CWC27: variants seen among roughly 807,000 people sequenced by gnomAD.
CWC27 encodes CWC27 spliceosome associated cyclophilin.
In CWC27, 47 loss-of-function variants were observed where a neutral mutation model predicts 63.6. The ratio of observed to expected loss-of-function variants is 0.74; its 90% CI spans 0.58 to 0.94. CWC27 has a LOEUF of 0.94. Ranked by LOEUF, CWC27 falls within the 40% of genes least tolerant of loss-of-function variation. CWC27 has a pLI of 0.00. For missense variants in CWC27, 495 were observed against 554.3 expected, an observed-to-expected ratio of 0.89 and a Z score of 1.07; for synonymous variants, 175 against 179.8, an observed-to-expected ratio of 0.97 and a Z score of 0.22.
chr5:64,868,512 T>C (rs1303816162), intron 10 of CWC27, among the ~76,000 whole-genome samples: 1 of 151,978 alleles, frequency 6.6e-6, no homozygotes, highest in Non-Finnish European at 1.5e-5. Flanking sequence ...GTTCTCAGAG[T>C]GTTGTCCCCA....
chr5:64,967,073 C>G (rs1184584279), intron 11 of CWC27, among the ~76,000 whole-genome samples: 1 of 151,934 alleles, frequency 6.6e-6, no homozygotes, highest in Non-Finnish European at 1.5e-5. Flanking sequence ...ATGAAAACTG[C>G]TTATTTCTAT....
At chr5:64,990,208 T>C (rs1749507815) in intron 13 of CWC27, among the ~76,000 whole-genome samples, 1 of 152,060 alleles carries the variant, frequency 6.6e-6, no homozygotes, top group Admixed American at 6.5e-5. Context: ...ATGCTTTATG[T>C]AGCCTTTATC....
intron 10 of CWC27, among the ~76,000 whole-genome samples, chr5:64,809,592 C>A (rs1173415691): frequency 6.6e-6 from 1 of 152,170 alleles, no homozygotes; most frequent in Non-Finnish European, 1.5e-5. Context: ...TGGTCTCGAT[C>A]TCCTGACCTC....
rs184132473 is a variant in CWC27 at position 65,013,835 on chromosome 5, C to G, written c.1257-4324C>G. On this transcript the variant is annotated intron_variant, in intron 13 of 13. Transcript: ENST00000381070. ...GTAGACTTCCCAATGAAAAAGATAGCTGTTTATATTATATAAGTAATTTAA... is the reference window on the plus strand; with the variant it reads ...GTAGACTTCCCAATGAAAAAGATAGGTGTTTATATTATATAAGTAATTTAA... Among the ~76,000 whole-genome samples, 8 of 152,188 alleles carry G rather than the reference C, an allele frequency of 5.3e-5. No homozygotes were observed. In the East Asian group the frequency reaches 1.5e-3, roughly 29 times the overall value.
chr5:64,796,334 G>A (rs543378156), intron 7 of CWC27, among the ~76,000 whole-genome samples: 254 of 152,112 alleles, frequency 1.7e-3, no homozygotes, highest in African/African-American at 5.7e-3. Flanking sequence ...AATTGTGGGA[G>A]CTGGCAATTC....
At chr5:64,803,526 G>A (rs1266889982) in intron 9 of CWC27, among the ~76,000 whole-genome samples, 3 of 152,192 alleles carry the variant, frequency 2.0e-5, no homozygotes, top group Non-Finnish European at 4.4e-5. Flanking sequence ...AGTACTGGAG[G>A]TAAGTGTGTG....
chr5:64,923,633 A>G (rs1261211468), intron 11 of CWC27, among the ~76,000 whole-genome samples: 1 of 136,108 alleles, frequency 7.3e-6, no homozygotes, highest in Non-Finnish European at 1.6e-5. Context: ...TCTTTGTTCT[A>G]TTTCTCCCAG....
intron 10 of CWC27, among the ~76,000 whole-genome samples, chr5:64,880,427 G>A (rs1746907613): frequency 6.6e-6 from 1 of 151,818 alleles, no homozygotes; most frequent in Non-Finnish European, 1.5e-5. Context: ...CCTATAAAAT[G>A]CCTATATCAC....
chr5:64,965,580 A>G (rs150112951), intron 11 of CWC27, among the ~76,000 whole-genome samples: 19 of 152,360 alleles, frequency 1.2e-4, no homozygotes, highest in African/African-American at 4.3e-4. Context: ...TTGTGAAACA[A>G]GAGTTACCTT....
chr5:64,996,204 T>A (rs1749629020), intron 13 of CWC27, among the ~76,000 whole-genome samples: 1 of 152,168 alleles, frequency 6.6e-6, no homozygotes, highest in Non-Finnish European at 1.5e-5. Context: ...TCTTACTTTC[T>A]TCTCTTTTAC....
At chr5:64,910,735 T>C (rs6861211) in intron 11 of CWC27, among the ~76,000 whole-genome samples, 14,430 of 152,228 alleles carry the variant, frequency 0.095, 2,087 homozygotes, top group African/African-American at 0.31. Context: ...AGCAAGGCTC[T>C]GTGGGCATGG....
At chr5:64,905,723 C>T (rs556881276) in intron 11 of CWC27, among the ~76,000 whole-genome samples, 1 of 152,070 alleles carries the variant, frequency 6.6e-6, no homozygotes, top group African/African-American at 2.4e-5. Flanking sequence ...TACATGTGCA[C>T]AACATGCAGG....
chr5:64,984,216 CA>C (rs1749380338), intron 13 of CWC27, among the ~76,000 whole-genome samples: 1 of 152,172 alleles, frequency 6.6e-6, no homozygotes, highest in African/African-American at 2.4e-5. Flanking sequence ...GCTTCACATG[CA>C]CTTGACTCTA....
At chr5:64,916,544 C>G (rs1352599476) in intron 11 of CWC27, among the ~76,000 whole-genome samples, 1 of 152,134 alleles carries the variant, frequency 6.6e-6, no homozygotes, top group Non-Finnish European at 1.5e-5. Context: ...GGGGCAACCA[C>G]AGAGCCTTCA....
intron 10 of CWC27, among the ~76,000 whole-genome samples, chr5:64,879,294 T>C (rs1168522751): frequency 6.6e-6 from 1 of 151,984 alleles, no homozygotes; most frequent in Non-Finnish European, 1.5e-5. Context: ...AGTGGAATTT[T>C]TCATCTGGCA....
At chr5:64,991,335 T>C (rs1344894467) in intron 13 of CWC27, among the ~76,000 whole-genome samples, 2 of 152,060 alleles carry the variant, frequency 1.3e-5, no homozygotes, top group East Asian at 3.9e-4. Context: ...GTCCCTTCAA[T>C]ACATGTTAGA....
intron 10 of CWC27, among the ~76,000 whole-genome samples, chr5:64,809,470 C>T (rs1025153484): frequency 5.9e-5 from 9 of 152,154 alleles, no homozygotes; most frequent in African/African-American, 1.4e-4. Context: ...TGGGTTCAAG[C>T]GTTTCTCCTG....
chr5:64,914,341 A>G (rs1473379348), intron 11 of CWC27, among the ~76,000 whole-genome samples: 2 of 152,198 alleles, frequency 1.3e-5, no homozygotes, highest in Non-Finnish European at 2.9e-5. Context: ...ACCTCTGTTC[A>G]GCAAGATACC....
intron 10 of CWC27, among the ~76,000 whole-genome samples, chr5:64,823,542 C>T (rs1173376224): frequency 6.6e-6 from 1 of 152,162 alleles, no homozygotes; most frequent in Non-Finnish European, 1.5e-5. Context: ...TTTCCCACCT[C>T]CTACATCCCT....
Sources: allele counts gnomAD v4.1 joint callset (sites outside exome capture counted in the v4.1 genomes callset), GRCh38; gene constraint gnomAD v4.1.1; transcripts MANE v1.5; gene names NCBI Gene and HGNC (gene_info 2026-07-23, HGNC 2026-07-21).